The following ATP6V1B1 variants were observed in gnomAD, a reference collection of about 807,000 sequenced individuals.
ATP6V1B1 encodes ATPase H+ transporting V1 subunit B1, also known as V-type proton ATPase subunit B, kidney isoform.
In ATP6V1B1, 41 loss-of-function variants were observed where a neutral mutation model predicts 62.1. That is an observed-to-expected ratio of 0.66 (90% CI 0.51 to 0.86). The LOEUF (loss-of-function observed/expected upper bound fraction) is 0.86. ATP6V1B1 is among the 40% of genes least tolerant of loss of function. The pLI, the probability that ATP6V1B1 is intolerant of heterozygous loss-of-function variation, is 0.00. For synonymous variants in ATP6V1B1, 253 were observed against 273.4 expected (o/e 0.93, Z 0.74); for missense variants, 651 against 697.5 (o/e 0.93, Z 0.75).
chr2:70,956,950 T>C (rs149992778), intron 2 of ATP6V1B1, among the ~76,000 whole-genome samples: 3 of 152,300 alleles, frequency 2.0e-5, no homozygotes, highest in Non-Finnish European at 4.4e-5. Context: ...GGTTTTGATT[T>C]TCGTTTCCCT....
intron 2 of ATP6V1B1, among the ~76,000 whole-genome samples, chr2:70,957,028 TG>T: frequency 6.6e-6 from 1 of 152,104 alleles, no homozygotes; most frequent in Non-Finnish European, 1.5e-5. Flanking sequence ...TTTGTAGAAA[TG>T]TTTTTTCAAA....
intron 1 of ATP6V1B1, chr2:70,943,373 G>C (rs1460967030): frequency 3.4e-6 from 2 of 586,520 alleles, no homozygotes; most frequent in African/African-American, 1.8e-5. Flanking sequence ...AGCAGCCTCA[G>C]GGATGAGAGG....
intron 2 of ATP6V1B1, chr2:70,948,320 CCTT>C (rs1455035365): frequency 6.5e-6 from 1 of 154,698 alleles, no homozygotes; most frequent in African/African-American, 2.4e-5. Context: ...CTCACTGCAT[CCTT>C]CTTCTCCCGG....
At chr2:70,953,826 T>C (rs1485376807) in intron 2 of ATP6V1B1, among the ~76,000 whole-genome samples, 1 of 152,250 alleles carries the variant, frequency 6.6e-6, no homozygotes, top group Admixed American at 6.5e-5. Context: ...GATTGCTATT[T>C]AATATCTTAA....
intron 7 of ATP6V1B1, 110 bp from the exon 8 acceptor site, chr2:70,961,486 C>T (rs1473027601): frequency 9.9e-5 from 114 of 1,151,018 alleles, no homozygotes; most frequent in Non-Finnish European, 1.3e-4. Context: ...TCACCCCCAG[C>T]GACTGGTAGC....
chr2:70,950,964 C>T (rs1165238346), intron 2 of ATP6V1B1, among the ~76,000 whole-genome samples: 14 of 61,746 alleles, frequency 2.3e-4, no homozygotes, highest in Admixed American at 4.7e-4. Context: ...TTTTTTGAGA[C>T]GGAGTTTCAC....
At chr2:70,964,114 A>ATTGTTTTTTTT in intron 11 of ATP6V1B1, 1 of 123,588 alleles carries the variant, frequency 8.1e-6, no homozygotes. Context: ...CTTGGCAGGT[A>ATTGTTTTTTTT]TTTTTTTTTT....
At chr2:70,961,776 G>A (rs966101931) in intron 8 of ATP6V1B1, 83 bp downstream of exon 8, 5 of 1,348,282 alleles carry the variant, frequency 3.7e-6, no homozygotes, top group Non-Finnish European at 4.2e-6. Flanking sequence ...GGGCTCCAGG[G>A]CATCCCAGAA....
chr2:70,943,010 T>C (rs1680041229), intron 1 of ATP6V1B1, among the ~76,000 whole-genome samples: 2 of 152,224 alleles, frequency 1.3e-5, no homozygotes, highest in South Asian at 2.1e-4. Context: ...TCATTTGCCA[T>C]GTGTGGGTCT....
At chr2:70,946,818 G>A (rs1241671838) in intron 2 of ATP6V1B1, among the ~76,000 whole-genome samples, 2 of 152,118 alleles carry the variant, frequency 1.3e-5, no homozygotes, top group Non-Finnish European at 2.9e-5. Context: ...ACCTATACAG[G>A]TGTCCATTTT....
At chr2:70,956,753 G>A (rs7586862) in intron 2 of ATP6V1B1, among the ~76,000 whole-genome samples, 74,961 of 151,798 alleles carry the variant, frequency 0.49, 18,761 homozygotes, top group Non-Finnish European at 0.52. Flanking sequence ...ACCATGCCTG[G>A]CTAATTTTTG....
chr2:70,938,430 G>T, intron 1 of ATP6V1B1: 1 of 500,138 alleles, frequency 2.0e-6, no homozygotes, highest in Non-Finnish European at 2.6e-6. Context: ...CCAGACAGGA[G>T]AACTCTGGGA....
intron 2 of ATP6V1B1, among the ~76,000 whole-genome samples, chr2:70,956,969 T>C (rs1680452935): frequency 6.6e-6 from 1 of 152,200 alleles, no homozygotes; most frequent in African/African-American, 2.4e-5. Flanking sequence ...CTAATAACTA[T>C]TGATGTTGAG....
At chr2:70,943,629 A>AC (rs1325279739) in intron 1 of ATP6V1B1, 29 bp from the exon 2 acceptor site, 1 of 1,594,686 alleles carries the variant, frequency 6.3e-7, no homozygotes, top group Middle Eastern at 1.8e-4. Flanking sequence ...TTGGGGTGAG[A>AC]CCCCTACTCA....
At chr2:70,945,699 G>GAT (rs1450719874) in intron 2 of ATP6V1B1, among the ~76,000 whole-genome samples, 8,860 of 69,432 alleles carry the variant, frequency 0.13, 1,354 homozygotes, top group South Asian at 0.16. Flanking sequence ...GCTATTTGAA[G>GAT]AGATATATAT....
chr2:70,960,034 C>T lies in ATP6V1B1; in HGVS notation c.541C>T (p.Gln181Ter), dbSNP rs1553419769. ...CGTCATGAACAGCATTGCCCGCGGC[C>T]AGAAGATCCCCATCTTCTCAGCAGC... is the stretch of plus-strand genomic sequence containing the variant. The part of the protein sequence containing the change: ...IDVMNSIARG[Q>*]KIPIFSAAGL... The change falls in exon 6 of 14, where the codon CAG (glutamine) becomes TAG (stop). Residue 181 changes from glutamine (Q) to a stop codon, truncating the protein, a stop_gained. Coordinates refer to ENST00000234396, the MANE Select transcript of ATP6V1B1 (RefSeq NM_001692.4). LOFTEE classifies it high-confidence loss of function. 7 of 1,614,232 alleles carry T rather than the reference C, an allele frequency of 4.3e-6. No homozygotes were observed. The South Asian group carries it at 6.6e-5, about 15-fold the overall frequency.
chr2:70,943,725 C>T lies in ATP6V1B1; in HGVS notation c.174+12C>T. On this transcript the variant is annotated intron_variant, in intron 2 of 13. Coordinates refer to ENST00000234396, the MANE Select transcript of ATP6V1B1 (RefSeq NM_001692.4). ...TGGACCGGGTCAAGGTAAGACTCTTCTGCTGCCTCCCTGGCACTAAGGCCA... is the reference window on the plus strand; with the variant it reads ...TGGACCGGGTCAAGGTAAGACTCTTTTGCTGCCTCCCTGGCACTAAGGCCA... 1.2e-6 allele frequency: 2 copies of T among 1,613,380 alleles called. No homozygotes were observed. The highest frequency in any genetic ancestry group is 1.7e-6 in the Non-Finnish European group (2 of 1,179,954).
Position 70,964,883 on chromosome 2 carries a change from T to C in ATP6V1B1, c.1378+18T>C, listed in dbSNP as rs1680683657. The C allele has an allele frequency of 1.2e-5, 20 of 1,614,044 alleles. No homozygotes were observed. In the East Asian group the frequency reaches 4.5e-4, roughly 36 times the overall value. On this transcript the variant is annotated intron_variant, in intron 13 of 13. Coordinates refer to ENST00000234396, the MANE Select transcript of ATP6V1B1 (RefSeq NM_001692.4). The stretch of plus-strand genomic sequence containing the variant: ...CAATCAGGGTAAGGCGCGTCGCTGG[T>C]GTGGAGCCAGTAACCTCTTCACCCT...
intron 3 of ATP6V1B1, 49 bp downstream of exon 3, chr2:70,958,193 C>G: frequency 3.8e-6 from 6 of 1,593,730 alleles, no homozygotes; most frequent in Non-Finnish European, 5.2e-6. Context: ...TGAATTAACC[C>G]ATAAAGTTCC....
Sources: allele counts gnomAD v4.1 joint callset (sites outside exome capture counted in the v4.1 genomes callset), GRCh38; gene constraint gnomAD v4.1.1; transcripts MANE v1.5; gene names NCBI Gene and HGNC (gene_info 2026-07-23, HGNC 2026-07-21).